VWA8: variants seen among roughly 807,000 people sequenced by gnomAD.
VWA8 encodes von Willebrand factor A domain containing 8, also known as von Willebrand factor A domain-containing protein 8.
Under a neutral mutation model 241.5 loss-of-function variants are expected in VWA8, and 221 were observed. That is an observed-to-expected ratio of 0.91 (90% confidence interval 0.82 to 1.02). The LOEUF is 1.02. Among genes scored for constraint, VWA8 ranks in the 50% least tolerant of loss-of-function variants. VWA8 has a pLI of 0.00. For synonymous variants in VWA8, 852 were observed against 827.1 expected, an observed-to-expected ratio of 1.03 and a Z score of -0.52; for missense variants, 2,322 against 2,328.7, an observed-to-expected ratio of 1.00 and a Z score of 0.06.
intron 21 of VWA8, among the ~76,000 whole-genome samples, chr13:41,758,483 G>GTA (rs201381460): frequency 2.6e-4 from 34 of 132,164 alleles, no homozygotes; most frequent in African/African-American, 9.8e-4. Flanking sequence ...ATATATGCCA[G>GTA]TATATATATT....
intron 1 of VWA8, among the ~76,000 whole-genome samples, chr13:41,956,876 G>A (rs1488921480): frequency 1.3e-5 from 2 of 152,090 alleles, no homozygotes; most frequent in African/African-American, 4.8e-5. Flanking sequence ...ATGTTAATAT[G>A]TTCACAATAA....
At chr13:41,611,552 T>C in intron 39 of VWA8, 24 bp downstream of exon 39, 2 of 1,613,048 alleles carry the variant, frequency 1.2e-6, no homozygotes, top group Non-Finnish European at 1.7e-6. Context: ...GTAGTGCTGG[T>C]CTAAATGTGA....
intron 43 of VWA8, among the ~76,000 whole-genome samples, chr13:41,574,311 A>AATC: frequency 6.6e-6 from 1 of 152,314 alleles, no homozygotes; most frequent in East Asian, 1.9e-4. Context: ...TCAAGAACTC[A>AATC]ATCTCTTTTA....
chr13:41,937,659 T>C (rs1877411772), intron 2 of VWA8, among the ~76,000 whole-genome samples: 1 of 152,158 alleles, frequency 6.6e-6, no homozygotes, highest in Non-Finnish European at 1.5e-5. Flanking sequence ...AGTTATACCA[T>C]GTAGGTTTGT....
chr13:41,571,775 C>G (rs2044306711), intron 43 of VWA8, among the ~76,000 whole-genome samples: 1 of 152,222 alleles, frequency 6.6e-6, no homozygotes, highest in African/African-American at 2.4e-5. Context: ...GCCACCCCGT[C>G]TGGGAAGTGA....
At chr13:41,871,586 G>A (rs1194471237) in intron 9 of VWA8, among the ~76,000 whole-genome samples, 21 of 152,206 alleles carry the variant, frequency 1.4e-4, no homozygotes, top group Non-Finnish European at 2.2e-4. Flanking sequence ...ATAGTTTACT[G>A]AGAATGATGA....
intron 12 of VWA8, among the ~76,000 whole-genome samples, chr13:41,841,813 A>T (rs1872041771): frequency 5.1e-4 from 15 of 29,392 alleles, no homozygotes; most frequent in African/African-American, 1.3e-3. Flanking sequence ...AAAAAAAAAA[A>T]AAAAAAAATA....
At chr13:41,671,408 T>G (rs2045022747) in intron 36 of VWA8, among the ~76,000 whole-genome samples, 1 of 152,090 alleles carries the variant, frequency 6.6e-6, no homozygotes, top group Non-Finnish European at 1.5e-5. Context: ...AGAAAGACTA[T>G]TTTAAGAAAG....
chr13:41,655,252 G>C (rs148906258), intron 37 of VWA8, among the ~76,000 whole-genome samples: 1 of 152,144 alleles, frequency 6.6e-6, no homozygotes, highest in Non-Finnish European at 1.5e-5. Flanking sequence ...ACCATGCTCA[G>C]CTAATTTTTA....
intron 2 of VWA8, among the ~76,000 whole-genome samples, chr13:41,921,299 G>C (rs945815482): frequency 6.6e-6 from 1 of 152,144 alleles, no homozygotes; most frequent in Non-Finnish European, 1.5e-5. Flanking sequence ...AAAATAATAA[G>C]AGCTTTTTAT....
intron 21 of VWA8, among the ~76,000 whole-genome samples, chr13:41,746,653 C>T (rs903460451): frequency 1.3e-5 from 2 of 152,112 alleles, no homozygotes; most frequent in Non-Finnish European, 2.9e-5. Context: ...TGACACTCCT[C>T]AAAGGAGGTG....
At chr13:41,671,227 T>C in intron 36 of VWA8, 80 bp from the exon 37 acceptor site, 2 of 1,470,840 alleles carry the variant, frequency 1.4e-6, no homozygotes, top group Admixed American at 1.7e-5. Flanking sequence ...GTAATGTTCT[T>C]TACTGTTGAA....
intron 21 of VWA8, among the ~76,000 whole-genome samples, chr13:41,753,436 C>T (rs1364021967): frequency 6.6e-6 from 1 of 152,030 alleles, no homozygotes; most frequent in Non-Finnish European, 1.5e-5. Context: ...TTCAAGTGTC[C>T]TCTTAATGTC....
chr13:41,866,186 A>G, intron 10 of VWA8, 150 bp from the exon 11 acceptor site: 2 of 964,380 alleles, frequency 2.1e-6, no homozygotes, highest in Non-Finnish European at 3.0e-6. Context: ...CATCTCTACA[A>G]AAATACAAAA....
At chr13:41,758,595 GC>G (rs1593750715) in intron 21 of VWA8, among the ~76,000 whole-genome samples, 1 of 148,202 alleles carries the variant, frequency 6.7e-6, no homozygotes, top group East Asian at 2.0e-4. Context: ...TAGTTCTAAT[GC>G]TTTTTTTATA....
intron 21 of VWA8, among the ~76,000 whole-genome samples, chr13:41,741,291 G>A (rs757679738): frequency 6.6e-6 from 1 of 152,104 alleles, no homozygotes; most frequent in Non-Finnish European, 1.5e-5. Flanking sequence ...AATCACATAC[G>A]ATGAGGCCAT....
chr13:41,887,929 G>C (rs1271485590), intron 5 of VWA8, among the ~76,000 whole-genome samples: 1 of 152,112 alleles, frequency 6.6e-6, no homozygotes, highest in Non-Finnish European at 1.5e-5. Flanking sequence ...AAGTTCAAAG[G>C]AGTTATATAA....
intron 17 of VWA8, among the ~76,000 whole-genome samples, chr13:41,789,723 A>C (rs1354598582): frequency 6.6e-6 from 1 of 152,074 alleles, no homozygotes; most frequent in Non-Finnish European, 1.5e-5. Flanking sequence ...GCTAGGAAGG[A>C]GGGGTGTTAC....
In VWA8 at chr13:41,689,516, G is replaced by T; in HGVS notation, c.3977-8C>A. 1 of 1,600,430 alleles carries T rather than the reference G, an allele frequency of 6.2e-7. No homozygotes were observed. The highest frequency in any genetic ancestry group is 8.5e-7 in the Non-Finnish European group (1 of 1,174,332). On this transcript the variant is annotated splice_polypyrimidine_tract_variant and splice_region_variant and intron_variant, in intron 33 of 44. Transcript: ENST00000379310. ...GTATGCTGAACTCTGTTTCTGAAAA[G>T]TACAAACATTAGACACCATATGCTC...
Sources: gnomAD v4.1 joint callset for allele counts (sites outside exome capture counted in the v4.1 genomes callset) on GRCh38, gnomAD v4.1.1 for gene constraint, MANE v1.5 for transcripts, NCBI Gene and HGNC (gene_info 2026-07-23, HGNC 2026-07-21) for gene names.